CACNA2D3: variants seen among roughly 807,000 people sequenced by gnomAD.
The protein encoded by CACNA2D3 is calcium voltage-gated channel auxiliary subunit alpha2delta 3.
Under a neutral mutation model 160.6 loss-of-function variants are expected in CACNA2D3, and 60 were observed. The observed-to-expected ratio is 0.37, with a 90% CI of 0.30 to 0.46. CACNA2D3 has a LOEUF of 0.46. CACNA2D3 is among the 20% of genes least tolerant of loss of function. The pLI is 1.00. For missense variants in CACNA2D3, 1,205 were observed against 1,365.0 expected, an observed-to-expected ratio of 0.88 and a Z score of 1.85; for synonymous variants, 558 against 492.9, an observed-to-expected ratio of 1.13 and a Z score of -1.75.
chr3:54,491,980 A>C (rs1233357445), intron 4 of CACNA2D3, among the ~76,000 whole-genome samples: 2 of 152,164 alleles, frequency 1.3e-5, no homozygotes, highest in Non-Finnish European at 2.9e-5. Flanking sequence ...CTGCCAGCCC[A>C]CCAGGGAGGG....
chr3:54,137,494 C>A (rs887678582), intron 2 of CACNA2D3, among the ~76,000 whole-genome samples: 10 of 152,208 alleles, frequency 6.6e-5, no homozygotes, highest in African/African-American at 2.4e-4. Flanking sequence ...AAGCCTGCTC[C>A]TAATCTCCCT....
At chr3:54,588,132 G>T (rs11130428) in intron 9 of CACNA2D3, among the ~76,000 whole-genome samples, 52,983 of 152,024 alleles carry the variant, frequency 0.35, 9,487 homozygotes, top group Admixed American at 0.45. Context: ...CAGGATTATT[G>T]AGATATGCAA....
intron 2 of CACNA2D3, among the ~76,000 whole-genome samples, chr3:54,274,602 C>T (rs1347146813): frequency 6.6e-6 from 1 of 152,246 alleles, no homozygotes; most frequent in Non-Finnish European, 1.5e-5. Flanking sequence ...TGGCTTAAAA[C>T]AGCAGCCATT....
At chr3:55,073,176 C>T (rs1263937925) in intron 35 of CACNA2D3, among the ~76,000 whole-genome samples, 1 of 152,132 alleles carries the variant, frequency 6.6e-6, no homozygotes, top group Non-Finnish European at 1.5e-5. Flanking sequence ...AACTCTGACT[C>T]TTGTGTTTTG....
intron 35 of CACNA2D3, among the ~76,000 whole-genome samples, chr3:55,041,367 G>A (rs1230365158): frequency 6.6e-6 from 1 of 152,144 alleles, no homozygotes; most frequent in Non-Finnish European, 1.5e-5. Context: ...GTATCATTTT[G>A]CATTTCTTCT....
rs1047053962 is a variant in CACNA2D3, at chr3:54,568,104, G to T, written c.677-1691G>T. Among the ~76,000 whole-genome samples, 11 of 152,310 alleles carry T rather than the reference G, an allele frequency of 7.2e-5. No individual in the cohort carries two copies. The South Asian group carries it at 1.2e-3, about 17-fold the overall frequency. ...TGGCTTGACCTTCAGTCTTGTATCA[G>T]TCTCTGTTCCTTTGGCCCTACTGTT... is the stretch of plus-strand genomic sequence containing the variant. On this transcript the variant is annotated intron_variant, in intron 6 of 37. Transcript: ENST00000474759.
intron 5 of CACNA2D3, among the ~76,000 whole-genome samples, chr3:54,526,552 C>T (rs1453730962): frequency 6.6e-6 from 1 of 152,128 alleles, no homozygotes; most frequent in African/African-American, 2.4e-5. Flanking sequence ...CCTTCTCTGC[C>T]CCTCTTCCCA....
intron 2 of CACNA2D3, among the ~76,000 whole-genome samples, chr3:54,280,573 C>A (rs192083017): frequency 6.6e-6 from 1 of 152,138 alleles, no homozygotes; most frequent in East Asian, 1.9e-4. Context: ...GTAGTCAGGG[C>A]AGGCCTCAGG....
Position 54,707,684 on chromosome 3 carries a change from G to A in CACNA2D3, c.1168-44915G>A, listed in dbSNP as rs1700882972. Among the ~76,000 whole-genome samples, 4 of 152,202 alleles carry A rather than the reference G, an allele frequency of 2.6e-5. No homozygotes were observed. In the South Asian group the frequency reaches 8.3e-4, roughly 32 times the overall value. ...TATGATGATAAAGCCTTTGAGTAAGGCTGTCCATAGGCTTTTGCTGACTGT... is the reference window on the plus strand; with the variant it reads ...TATGATGATAAAGCCTTTGAGTAAGACTGTCCATAGGCTTTTGCTGACTGT... On this transcript the variant is annotated intron_variant, in intron 11 of 37. Coordinates refer to ENST00000474759, the MANE Select transcript of CACNA2D3 (RefSeq NM_018398.3).
intron 11 of CACNA2D3, among the ~76,000 whole-genome samples, chr3:54,682,875 C>T (rs552848902): frequency 1.3e-5 from 2 of 152,150 alleles, no homozygotes; most frequent in Admixed American, 6.5e-5. Flanking sequence ...CACCCACTGC[C>T]TTCTCTGAAG....
intron 35 of CACNA2D3, among the ~76,000 whole-genome samples, chr3:55,041,648 A>G (rs1208963669): frequency 1.3e-5 from 2 of 151,892 alleles, no homozygotes; most frequent in African/African-American, 2.4e-5. Context: ...ATATGTCCAT[A>G]TTGTTCACTT....
intron 35 of CACNA2D3, among the ~76,000 whole-genome samples, chr3:55,058,003 G>A (rs1341701619): frequency 3.3e-5 from 5 of 152,050 alleles, no homozygotes; most frequent in African/African-American, 1.2e-4. Flanking sequence ...AAAATCCATA[G>A]GAACAGTAAT....
At chr3:54,951,528 A>G (rs1420684749) in intron 27 of CACNA2D3, among the ~76,000 whole-genome samples, 1 of 152,148 alleles carries the variant, frequency 6.6e-6, no homozygotes, top group Non-Finnish European at 1.5e-5. Context: ...GTGAACTTTG[A>G]AGCATCTCTA....
chr3:54,581,980 A>T, intron 9 of CACNA2D3, 103 bp downstream of exon 9: 1 of 899,700 alleles, frequency 1.1e-6, no homozygotes, highest in Non-Finnish European at 1.7e-6. Context: ...CTGCCCTTTC[A>T]TTGAGGCCCT....
chr3:54,544,935 G>A (rs1476909795), intron 5 of CACNA2D3, among the ~76,000 whole-genome samples: 5 of 152,132 alleles, frequency 3.3e-5, no homozygotes, highest in Non-Finnish European at 7.4e-5. Flanking sequence ...TGGTAAAATC[G>A]TGGAGGATTA....
At chr3:54,486,058 A>G (rs1169338631) in intron 4 of CACNA2D3, among the ~76,000 whole-genome samples, 1 of 152,190 alleles carries the variant, frequency 6.6e-6, no homozygotes, top group East Asian at 1.9e-4. Flanking sequence ...GAACAGAAAG[A>G]CATAGACAGG....
At chr3:54,638,720 C>T (rs909384344) in intron 10 of CACNA2D3, 2 of 151,846 alleles carry the variant, frequency 1.3e-5, no homozygotes, top group South Asian at 2.1e-4. Flanking sequence ...ACGTCAGGCA[C>T]CTCACACCAT....
chr3:54,204,796 G>GAAAAAAAAAAAAAAAA (rs57129457), intron 2 of CACNA2D3, among the ~76,000 whole-genome samples: 2 of 74,050 alleles, frequency 2.7e-5, no homozygotes, highest in Admixed American at 1.8e-4. Context: ...ATGCTGTCTT[G>GAAAAAAAAAAAAAAAA]AAAAAAAAAA....
chr3:54,872,930 T>A (rs1178134025), intron 18 of CACNA2D3, among the ~76,000 whole-genome samples: 1 of 152,078 alleles, frequency 6.6e-6, no homozygotes, highest in East Asian at 2.0e-4. Flanking sequence ...TTCTTAGGAC[T>A]GTCCTGCACC....
Sources: gnomAD v4.1 joint callset for allele counts (sites outside exome capture counted in the v4.1 genomes callset) on GRCh38, gnomAD v4.1.1 for gene constraint, MANE v1.5 for transcripts, NCBI Gene and HGNC (gene_info 2026-07-23, HGNC 2026-07-21) for gene names.